Variants in LHFPL3 observed in about 807,000 individuals in gnomAD.
LHFPL3 encodes LHFPL tetraspan subfamily member 3.
LHFPL3 carries 5 observed loss-of-function variants against 19.3 expected under a neutral mutation model. The ratio of observed to expected loss-of-function variants is 0.26; its 90% CI spans 0.14 to 0.54. LHFPL3 has a LOEUF of 0.54. Among genes scored for constraint, LHFPL3 ranks in the 20% least tolerant of loss-of-function variants. The pLI, the probability that LHFPL3 is intolerant of heterozygous loss-of-function variation, is 0.94. For missense variants in LHFPL3, 249 were observed against 307.4 expected, an observed-to-expected ratio of 0.81 and a Z score of 1.42; for synonymous variants, 133 against 126.2, an observed-to-expected ratio of 1.05 and a Z score of -0.36.
chr7:104,405,760 G>A (rs1447171714), intron 1 of LHFPL3, among the ~76,000 whole-genome samples: 1 of 152,110 alleles, frequency 6.6e-6, no homozygotes, highest in Non-Finnish European at 1.5e-5. Flanking sequence ...GAGCTTTGGG[G>A]AAAAACAGAG....
chr7:104,673,668 A>C (rs546563720), intron 1 of LHFPL3, among the ~76,000 whole-genome samples: 2 of 152,172 alleles, frequency 1.3e-5, no homozygotes, highest in African/African-American at 4.8e-5. Context: ...TTCAGAAGAG[A>C]GTTTGATGAA....
At chr7:104,606,945 A>C (rs1791113709) in intron 1 of LHFPL3, among the ~76,000 whole-genome samples, 1 of 152,102 alleles carries the variant, frequency 6.6e-6, no homozygotes, top group African/African-American at 2.4e-5. Flanking sequence ...TTAGAAAAAC[A>C]CTTCAAAACA....
At chr7:104,338,131 C>G (rs1232692361) in intron 1 of LHFPL3, among the ~76,000 whole-genome samples, 1 of 121,520 alleles carries the variant, frequency 8.2e-6, no homozygotes, top group Non-Finnish European at 1.6e-5. Context: ...CGGAGTCTCG[C>G]TCTGTCACCC....
rs138360819 is a variant in LHFPL3, at chr7:104,816,071, C to T, written c.682+79160C>T. Among the ~76,000 whole-genome samples, 440 of 152,274 alleles carry T rather than the reference C, an allele frequency of 2.9e-3. 2 individuals are homozygous for T. Among genetic ancestry groups the T allele is most frequent in the African/African-American group, 0.01 (418 of 41,564 alleles). On this transcript the variant is annotated intron_variant, in intron 2 of 2. Transcript: ENST00000424859. ...TTTCTGTCACCTATTCTAGGACACTCTGCAGCAGCCTTGACCTTCATTATG... is the reference window on the plus strand; with the variant it reads ...TTTCTGTCACCTATTCTAGGACACTTTGCAGCAGCCTTGACCTTCATTATG...
chr7:104,728,381 C>G (rs1793628956), intron 1 of LHFPL3, among the ~76,000 whole-genome samples: 1 of 152,138 alleles, frequency 6.6e-6, no homozygotes, highest in Non-Finnish European at 1.5e-5. Flanking sequence ...AGCTACATAC[C>G]CTGGAAACAG....
intron 2 of LHFPL3, among the ~76,000 whole-genome samples, chr7:104,744,456 G>A (rs935668791): frequency 7.2e-5 from 11 of 152,172 alleles, no homozygotes; most frequent in African/African-American, 2.7e-4. Context: ...GGTCATCAAA[G>A]CATCTCAGAA....
chr7:104,621,103 T>C (rs1206790589), intron 1 of LHFPL3, among the ~76,000 whole-genome samples: 1 of 152,194 alleles, frequency 6.6e-6, no homozygotes, highest in Non-Finnish European at 1.5e-5. Flanking sequence ...TCTTTACCTT[T>C]CAAGTCTCTG....
intron 1 of LHFPL3, among the ~76,000 whole-genome samples, chr7:104,448,237 G>A (rs935055834): frequency 4.5e-4 from 68 of 152,088 alleles, no homozygotes; most frequent in African/African-American, 1.6e-3. Context: ...GAAAAATACA[G>A]GGAAATTCCT....
chr7:104,867,494 C>T (rs2116650884), intron 2 of LHFPL3, among the ~76,000 whole-genome samples: 1 of 152,254 alleles, frequency 6.6e-6, no homozygotes, highest in African/African-American at 2.4e-5. Flanking sequence ...TGGATAAATT[C>T]CTGGACACAT....
At chr7:104,496,377 C>T (rs1192530632) in intron 1 of LHFPL3, among the ~76,000 whole-genome samples, 2 of 152,148 alleles carry the variant, frequency 1.3e-5, no homozygotes, top group Non-Finnish European at 2.9e-5. Flanking sequence ...CATTGTTGGA[C>T]CTTTGGGTTG....
At chr7:104,660,004 GTTT>G (rs35499793) in intron 1 of LHFPL3, among the ~76,000 whole-genome samples, 27,211 of 140,476 alleles carry the variant, frequency 0.19, 2,487 homozygotes, top group Non-Finnish European at 0.21. Context: ...ACAGCAACTC[GTTT>G]TTTTTTTTTT....
At chr7:104,626,668 G>C (rs1490980049) in intron 1 of LHFPL3, among the ~76,000 whole-genome samples, 2 of 152,150 alleles carry the variant, frequency 1.3e-5, no homozygotes, top group African/African-American at 2.4e-5. Flanking sequence ...TATAGGGTGT[G>C]GGTTGTTATG....
At chr7:104,810,026 T>C (rs1790435793) in intron 2 of LHFPL3, among the ~76,000 whole-genome samples, 1 of 152,200 alleles carries the variant, frequency 6.6e-6, no homozygotes, top group Non-Finnish European at 1.5e-5. Flanking sequence ...GCAAAGCTTC[T>C]TGGAGGAAGC....
At chr7:104,495,046 A>G (rs1261873639) in intron 1 of LHFPL3, among the ~76,000 whole-genome samples, 1 of 152,184 alleles carries the variant, frequency 6.6e-6, no homozygotes, top group African/African-American at 2.4e-5. Context: ...GCAGAAACCA[A>G]GATTACAGTT....
At chr7:104,337,682 T>A (rs895663035) in intron 1 of LHFPL3, among the ~76,000 whole-genome samples, 23 of 152,232 alleles carry the variant, frequency 1.5e-4, no homozygotes, top group African/African-American at 5.5e-4. Flanking sequence ...TGTAATATAA[T>A]GCCTTTAATG....
At chr7:104,385,238 C>G (rs1053841318) in intron 1 of LHFPL3, among the ~76,000 whole-genome samples, 13 of 152,174 alleles carry the variant, frequency 8.5e-5, no homozygotes, top group African/African-American at 2.9e-4. Context: ...TTCTTGTTGC[C>G]TTGTTTCTCT....
intron 1 of LHFPL3, among the ~76,000 whole-genome samples, chr7:104,540,427 C>T (rs1254013733): frequency 2.0e-5 from 3 of 152,106 alleles, no homozygotes; most frequent in African/African-American, 7.2e-5. Context: ...CTCCCAGCAT[C>T]TACTGGGTAC....
At chr7:104,348,027 A>AT (rs938630400) in intron 1 of LHFPL3, among the ~76,000 whole-genome samples, 3 of 152,022 alleles carry the variant, frequency 2.0e-5, no homozygotes, top group African/African-American at 7.2e-5. Context: ...TAACATACTG[A>AT]TTTTTCCCAC....
At chr7:104,483,869 C>A (rs1303469665) in intron 1 of LHFPL3, among the ~76,000 whole-genome samples, 1 of 152,156 alleles carries the variant, frequency 6.6e-6, no homozygotes, top group Admixed American at 6.5e-5. Context: ...AAGCGATCCT[C>A]CCACCTTGGC....
Sources: gnomAD v4.1 joint callset for allele counts (sites outside exome capture counted in the v4.1 genomes callset) on GRCh38, gnomAD v4.1.1 for gene constraint, MANE v1.5 for transcripts, NCBI Gene and HGNC (gene_info 2026-07-23, HGNC 2026-07-21) for gene names.